Variants in CNTN5 observed in about 807,000 individuals in gnomAD.
The protein encoded by CNTN5 is contactin 5, also known as contactin-5.
CNTN5 carries 77 observed loss-of-function variants against 129.1 expected under a neutral mutation model. That is an observed-to-expected ratio of 0.60 (90% CI 0.50 to 0.72). CNTN5 has a LOEUF of 0.72. Among genes scored for constraint, CNTN5 ranks in the 30% least tolerant of loss-of-function variants. The pLI, the probability that CNTN5 is intolerant of heterozygous loss-of-function variation, is 0.00. For synonymous variants in CNTN5, 509 were observed against 465.6 expected, an observed-to-expected ratio of 1.09 and a Z score of -1.20; for missense variants, 1,478 against 1,328.8, an observed-to-expected ratio of 1.11 and a Z score of -1.75.
At chr11:99,464,488 G>A (rs1291387112) in intron 2 of CNTN5, among the ~76,000 whole-genome samples, 1 of 152,116 alleles carries the variant, frequency 6.6e-6, no homozygotes, top group Non-Finnish European at 1.5e-5. Flanking sequence ...ATTTATAGGT[G>A]ATGAGTATAA....
intron 6 of CNTN5, among the ~76,000 whole-genome samples, chr11:99,896,915 A>C (rs1227362674): frequency 6.6e-6 from 1 of 151,950 alleles, no homozygotes; most frequent in African/African-American, 2.4e-5. Context: ...CATAAACCCC[A>C]CAGGCCTCTG....
chr11:99,200,337 A>G (rs953899498), intron 1 of CNTN5, among the ~76,000 whole-genome samples: 4 of 152,182 alleles, frequency 2.6e-5, no homozygotes, highest in Admixed American at 2.0e-4. Context: ...CTATTTTCTA[A>G]TATGTAATAT....
intron 21 of CNTN5, chr11:100,309,413 T>C: frequency 2.1e-6 from 2 of 970,588 alleles, no homozygotes; most frequent in Non-Finnish European, 2.4e-6. Flanking sequence ...ATGATTTCTA[T>C]GATAAAAAAA....
chr11:99,650,832 A>G (rs1352015259), intron 3 of CNTN5, among the ~76,000 whole-genome samples: 1 of 151,978 alleles, frequency 6.6e-6, no homozygotes, highest in African/African-American at 2.4e-5. Context: ...TTTGATACAT[A>G]AGCTAAATGC....
chr11:99,749,386 A>T (rs541686677), intron 3 of CNTN5, among the ~76,000 whole-genome samples: 1 of 152,346 alleles, frequency 6.6e-6, no homozygotes, highest in East Asian at 1.9e-4. Flanking sequence ...ACTTCAAAGG[A>T]TCCTTGTAAA....
intron 2 of CNTN5, among the ~76,000 whole-genome samples, chr11:99,545,957 C>T (rs568401901): frequency 1.1e-4 from 16 of 152,132 alleles, no homozygotes; most frequent in African/African-American, 3.9e-4. Flanking sequence ...AATCTGTTCT[C>T]TTAAATTCTT....
intron 3 of CNTN5, among the ~76,000 whole-genome samples, chr11:99,676,574 A>G (rs1953293774): frequency 6.6e-6 from 1 of 152,254 alleles, no homozygotes; most frequent in Non-Finnish European, 1.5e-5. Context: ...ATAAAATTTT[A>G]TATACTGCAG....
chr11:99,900,424 G>A (rs1949324823), intron 6 of CNTN5, among the ~76,000 whole-genome samples: 1 of 151,812 alleles, frequency 6.6e-6, no homozygotes, highest in South Asian at 2.1e-4. Context: ...TCTGGATTCA[G>A]TTTGATAGTA....
intron 2 of CNTN5, among the ~76,000 whole-genome samples, chr11:99,500,106 G>A (rs1220992456): frequency 6.6e-6 from 1 of 152,100 alleles, no homozygotes; most frequent in African/African-American, 2.4e-5. Context: ...AATGACTATA[G>A]GAGTAGATTT....
At chr11:99,349,241 C>T (rs955641878) in intron 2 of CNTN5, among the ~76,000 whole-genome samples, 1 of 152,122 alleles carries the variant, frequency 6.6e-6, no homozygotes, top group African/African-American at 2.4e-5. Context: ...GGAAGCTTTC[C>T]TGGTGGAATT....
rs1311700717 is a variant in CNTN5 at position 99,956,927 on chromosome 11, C to A, written c.795C>A (p.Gly265=). 1.9e-6 allele frequency: 3 copies of A among 1,613,720 alleles called. No homozygotes were observed. The highest frequency in any genetic ancestry group is 1.3e-5 in the African/African-American group (1 of 74,914). The change falls in exon 8 of 25, where the codon GGC becomes GGA. Residue 265 remains glycine (G), a synonymous_variant. Coordinates refer to ENST00000524871, the MANE Select transcript of CNTN5 (RefSeq NM_014361.4). ...CTAAAGTCCAAACATCAGATGTTGGCAGCTATATTTGTCTGGTGAAAAACA... is the reference window on the plus strand; with the variant it reads ...CTAAAGTCCAAACATCAGATGTTGGAAGCTATATTTGTCTGGTGAAAAACA... ...YISKVQTSDV[G]SYICLVKNTV... is the part of the protein sequence containing the mutation.
chr11:99,433,377 G>GAA (rs1943474016), intron 2 of CNTN5, among the ~76,000 whole-genome samples: 10 of 71,268 alleles, frequency 1.4e-4, no homozygotes, highest in Non-Finnish European at 2.0e-4. Flanking sequence ...AAAAATGTGT[G>GAA]TGTGTGTGTG....
intron 2 of CNTN5, among the ~76,000 whole-genome samples, chr11:99,488,534 C>G (rs143294088): frequency 6.6e-6 from 1 of 152,044 alleles, no homozygotes; most frequent in East Asian, 1.9e-4. Flanking sequence ...TGCTGCTAAC[C>G]ACTAGTATGG....
intron 2 of CNTN5, among the ~76,000 whole-genome samples, chr11:99,506,732 A>G (rs1413791494): frequency 6.6e-6 from 1 of 152,188 alleles, no homozygotes; most frequent in African/African-American, 2.4e-5. Flanking sequence ...TTTAATTGTT[A>G]TTGTCTGTTT....
At chr11:99,914,654 G>C (rs535824179) in intron 6 of CNTN5, among the ~76,000 whole-genome samples, 1 of 152,066 alleles carries the variant, frequency 6.6e-6, no homozygotes, top group Admixed American at 6.6e-5. Flanking sequence ...CTTTTGTCCT[G>C]CTACTTTATG....
At chr11:99,611,900 A>G (rs751564149) in intron 3 of CNTN5, among the ~76,000 whole-genome samples, 12 of 152,186 alleles carry the variant, frequency 7.9e-5, no homozygotes, top group Non-Finnish European at 1.5e-4. Flanking sequence ...GGATAATAGA[A>G]TTCTATAATC....
At chr11:99,816,147 C>G (rs188101397) in intron 3 of CNTN5, among the ~76,000 whole-genome samples, 1 of 152,300 alleles carries the variant, frequency 6.6e-6, no homozygotes, top group East Asian at 1.9e-4. Flanking sequence ...TATTGAAAGA[C>G]TTTCGCTTCC....
At chr11:100,337,773 C>T (rs934037135) in intron 21 of CNTN5, 2 of 378,722 alleles carry the variant, frequency 5.3e-6, no homozygotes, top group African/African-American at 4.1e-5. Context: ...TTGAAACTTA[C>T]TGCTCTTCTG....
At position 99,426,697 on chromosome 11, in the gene CNTN5, G is replaced by C. The variant is rs564258150; in HGVS notation, c.-71+101213G>C. On this transcript the variant is annotated intron_variant, in intron 2 of 24. Coordinates refer to ENST00000524871, the MANE Select transcript of CNTN5 (RefSeq NM_014361.4). Reference sequence around the variant, plus strand: ...TGAAAATTAGCCCTTACAGTCTCCTGCGTCCACGTCTTCCATGTTAGTCCT... The same window carrying C: ...TGAAAATTAGCCCTTACAGTCTCCTCCGTCCACGTCTTCCATGTTAGTCCT... Among the ~76,000 whole-genome samples the C allele has an allele frequency of 5.9e-5, 9 of 152,212 alleles. No individual in the cohort carries two copies. In the South Asian group the frequency reaches 1.9e-3, roughly 32 times the overall value.
Sources: gnomAD v4.1 joint callset for allele counts (sites outside exome capture counted in the v4.1 genomes callset) on GRCh38, gnomAD v4.1.1 for gene constraint, MANE v1.5 for transcripts, NCBI Gene and HGNC (gene_info 2026-07-23, HGNC 2026-07-21) for gene names.